The following CYP11B2 variants were observed in gnomAD, a reference collection of about 807,000 sequenced individuals.
The protein encoded by CYP11B2 is cytochrome P450 11B2, mitochondrial.
Under a neutral mutation model 49.3 loss-of-function variants are expected in CYP11B2, and 38 were observed. The ratio of observed to expected loss-of-function variants is 0.77; its 90% CI spans 0.59 to 1.01. The LOEUF is 1.01. CYP11B2 is among the 50% of genes least tolerant of loss of function. CYP11B2 has a pLI of 0.00. For synonymous variants in CYP11B2, 290 were observed against 269.3 expected, an observed-to-expected ratio of 1.08 and a Z score of -0.75; for missense variants, 669 against 655.5, an observed-to-expected ratio of 1.02 and a Z score of -0.23.
In CYP11B2 at chr8:142,917,681, G is replaced by A; in HGVS notation, c.160C>T (p.Gln54Ter). Reference protein sequence around the residue: ...HPGNRWLRLLQIWREQGYEHL... With the variant: ...HPGNRWLRLL ...TCATAACCCTGCTCCCTCCAGATCT[G>A]CAGCAGCCTCAGCCACCTGTTGCCT... The change falls in exon 1 of 9, where the codon CAG (glutamine) becomes TAG (stop). Residue 54 changes from glutamine to a stop codon, truncating the protein, a stop_gained. Coordinates refer to ENST00000323110, the MANE Select transcript of CYP11B2 (RefSeq NM_000498.3). LOFTEE classifies it high-confidence loss of function. 6.2e-7 allele frequency: 1 copy of A among 1,614,260 alleles called. No homozygotes were observed. Among genetic ancestry groups the A allele is most frequent in the Non-Finnish European group, 8.5e-7 (1 of 1,180,050 alleles).
Position 142,914,950 on chromosome 8 carries a change from C to T in CYP11B2, c.596-42G>A, listed in dbSNP as rs759431398. Reference sequence around the variant, plus strand: ...CTGCTGAGCACAAGGCAGCCCCAGGCCTCCTGGCTGCCTCCCCACACTCCC... The same window carrying T: ...CTGCTGAGCACAAGGCAGCCCCAGGTCTCCTGGCTGCCTCCCCACACTCCC... On this transcript the variant is annotated intron_variant, in intron 3 of 8. Transcript: ENST00000323110. 3.7e-6 allele frequency: 6 copies of T among 1,608,472 alleles called. No individual in the cohort carries two copies. The South Asian group carries it at 5.5e-5, about 15-fold the overall frequency.
Position 142,917,724 on chromosome 8 carries a change from T to G in CYP11B2, c.117A>C (p.Glu39Asp). 6.2e-7 allele frequency: 1 copy of G among 1,614,242 alleles called. No individual in the cohort carries two copies. Among genetic ancestry groups the G allele is most frequent in the Non-Finnish European group, 8.5e-7 (1 of 1,180,050 alleles). The change falls in exon 1 of 9, where the codon GAA (glutamate) becomes GAC (aspartate). Residue 39 changes from glutamate (E) to aspartate (D), a missense_variant. Physicochemically the swap from Glu to Asp is conservative, Grantham distance 45. Transcript: ENST00000323110. ...ARAPRTVLPF[E>D]AMPQHPGNRW... The stretch of plus-strand genomic sequence containing the variant: ...TGTTGCCTGGATGCTGGGGCATGGC[T>G]TCAAACGGCAGCACCGTCCTAGGGG...
rs4547 is a variant in CYP11B2, at chr8:142,914,761, A to G, written c.743T>C (p.Ile248Thr). 1.4e-3 allele frequency: 2,195 copies of G among 1,608,510 alleles called. 29 individuals are homozygous for G. The highest frequency in any genetic ancestry group is 0.012 in the African/African-American group (889 of 73,638). The part of the protein sequence containing the change: ...MFMPRSLSRW[I>T]SPKVWKEHFE... ...GTGCTCCTTCCACACCTTGGGGCTGATCCAGCGAGACAGGCTCCTGGGCAT... is the reference window on the plus strand; with the variant it reads ...GTGCTCCTTCCACACCTTGGGGCTGGTCCAGCGAGACAGGCTCCTGGGCAT... The change falls in exon 4 of 9, where the codon ATC (isoleucine) becomes ACC (threonine). Residue 248 changes from isoleucine (I) to threonine (T), a missense_variant. Transcript: ENST00000323110.
intron 5 of CYP11B2, 60 bp from the exon 6 acceptor site, chr8:142,913,511 C>G (rs1471181574): frequency 7.5e-6 from 12 of 1,607,782 alleles, no homozygotes; most frequent in Non-Finnish European, 1.0e-5. Context: ...CCCCGGGACA[C>G]CCCTCCCAGG....
At position 142,915,080 on chromosome 8, in the gene CYP11B2, G is replaced by A. The variant is rs756500335; in HGVS notation, c.561C>T (p.Asp187=). The A allele has an allele frequency of 2.5e-5, 40 of 1,613,698 alleles. No homozygotes were observed. The highest frequency in any genetic ancestry group is 5.5e-5 in the South Asian group (5 of 91,022). Reference sequence around the variant, plus strand: ...TGTAGTGGAAGATGCTGGGCTGGACGTCCAGGGTCAGGCTCCCCCGGGCGT... The same window carrying A: ...TGTAGTGGAAGATGCTGGGCTGGACATCCAGGGTCAGGCTCCCCCGGGCGT... ...LQNARGSLTL[D]VQPSIFHYTI... Residue 187 remains aspartate (D), a synonymous_variant, in exon 3 of 9, where the codon GAC becomes GAT. Transcript: ENST00000323110.
intron 5 of CYP11B2, 120 bp from the exon 6 acceptor site, chr8:142,913,571 A>G (rs544233594): frequency 3.1e-6 from 2 of 636,650 alleles, no homozygotes; most frequent in African/African-American, 2.2e-5. Flanking sequence ...GCAAAAACAG[A>G]GCCCTGGGAC....
intron 3 of CYP11B2, 45 bp from the exon 4 acceptor site, chr8:142,914,953 C>T (rs757912502): frequency 8.7e-6 from 14 of 1,609,570 alleles, no homozygotes; most frequent in South Asian, 1.1e-5. Context: ...CCCCAGGCCT[C>T]CTGGCTGCCT....
rs766216039 is a variant in CYP11B2, at chr8:142,913,335, C to A, written c.1071G>T (p.Lys357Asn). The change falls in exon 6 of 9, where the codon AAG becomes AAT. Residue 357 changes from lysine (K) to asparagine (N), a missense_variant. Physicochemically the swap from Lys to Asn is moderately conservative, Grantham distance 94. Coordinates refer to ENST00000323110, the MANE Select transcript of CYP11B2 (RefSeq NM_000498.3). ...GCAGCAAGGGCAGCTCGGTGGTTGC[C>A]TTCTGGGGATGTTCACTGATGCTGG... The part of the protein sequence containing the change: ...AAASISEHPQ[K>N]ATTELPLLRA... 1 of 1,614,030 alleles carries A rather than the reference C, an allele frequency of 6.2e-7. No individual in the cohort carries two copies. The highest frequency in any genetic ancestry group is 8.5e-7 in the Non-Finnish European group (1 of 1,180,010).
Position 142,913,263 on chromosome 8 carries a change from G to A in CYP11B2, c.1121+22C>T, listed in dbSNP as rs763105572. ...CTCCAGCAGGGGGCCAGGGCCACAG[G>A]GAGGCCTCAGCCAGCACCCACCGCA... On this transcript the variant is annotated intron_variant, in intron 6 of 8. Transcript: ENST00000323110. 4 of 1,611,450 alleles carry A rather than the reference G, an allele frequency of 2.5e-6. No homozygotes were observed. The East Asian group carries it at 8.9e-5, about 36-fold the overall frequency.
At chr8:142,912,468 C>T (rs61757288) in intron 8 of CYP11B2, 62 bp downstream of exon 8, 2 of 1,555,684 alleles carry the variant, frequency 1.3e-6, no homozygotes, top group Non-Finnish European at 1.8e-6. Flanking sequence ...CAAGCCCCGC[C>T]CCCAGTGTGC....
intron 6 of CYP11B2, 131 bp downstream of exon 6, chr8:142,913,154 A>G (rs903873188): frequency 4.8e-6 from 5 of 1,032,544 alleles, no homozygotes; most frequent in Non-Finnish European, 7.1e-6. Context: ...AGGGGGAGGA[A>G]GAGCAGGTGC....
Position 142,917,699 on chromosome 8 carries a change from T to G in CYP11B2, c.142A>C (p.Arg48=), listed in dbSNP as rs1361270876. The G allele has an allele frequency of 1.2e-6, 2 of 1,614,040 alleles. No individual in the cohort carries two copies. The highest frequency in any genetic ancestry group is 1.7e-6 in the Non-Finnish European group (2 of 1,179,954). ...FEAMPQHPGN[R]WLRLLQIWRE... ...CAGATCTGCAGCAGCCTCAGCCACC[T>G]GTTGCCTGGATGCTGGGGCATGGCT... The change falls in exon 1 of 9, where the codon AGG becomes CGG. Residue 48 remains arginine (R), a synonymous_variant. Coordinates refer to ENST00000323110, the MANE Select transcript of CYP11B2 (RefSeq NM_000498.3).
rs1817539196 is a variant in CYP11B2, at chr8:142,911,768, G to A, written c.*212C>T. 2 of 680,356 alleles carry A rather than the reference G, an allele frequency of 2.9e-6. No individual in the cohort carries two copies. Among genetic ancestry groups the A allele is most frequent in the East Asian group, 5.9e-5 (2 of 34,110 alleles). The allele number at this position is 680,356 out of a possible 1,614,324, so 42.1% of individuals were successfully genotyped here. ...CTGGGGACAAGGCCAGGCCCTGCCA[G>A]CAAGATCGTCTCCAGCTGTGCCCTG... is the stretch of plus-strand genomic sequence containing the variant. On this transcript the variant is annotated 3_prime_UTR_variant, in exon 9 of 9. Transcript: ENST00000323110.
At position 142,912,736 on chromosome 8, in the gene CYP11B2, G is replaced by A. The variant is rs750931398; in HGVS notation, c.1201-9C>T. On this transcript the variant is annotated splice_polypyrimidine_tract_variant and intron_variant, in intron 7 of 8. Coordinates refer to ENST00000323110, the MANE Select transcript of CYP11B2 (RefSeq NM_000498.3). ...AAAACCTGTACCAATGTCTGCGGAC[G>A]GTGCAGAGCAGGGATCAGGGAATGA... 7 of 1,613,704 alleles carry A rather than the reference G, an allele frequency of 4.3e-6. No homozygotes were observed. Among genetic ancestry groups the A allele is most frequent in the Admixed American group, 3.3e-5 (2 of 60,026 alleles).
In CYP11B2 at chr8:142,912,993, G is replaced by A. The variant is rs1333731224; in HGVS notation, c.1122-108C>T. The A allele has an allele frequency of 3.7e-5, 44 of 1,197,656 alleles. No homozygotes were observed. The South Asian group carries it at 5.2e-4, about 14-fold the overall frequency. The allele number at this position is 1,197,656 out of a possible 1,614,324, so 74.2% of individuals were successfully genotyped here. On this transcript the variant is annotated intron_variant, in intron 6 of 8. Coordinates refer to ENST00000323110, the MANE Select transcript of CYP11B2 (RefSeq NM_000498.3). ...CGCAGAGGTCCCAGATCCATGGGAA[G>A]CCCAGGTCGTAGGAAGTACTTCCTT...
At chr8:142,913,993 G>T (rs1262580241) in intron 5 of CYP11B2, 4 of 593,954 alleles carry the variant, frequency 6.7e-6, no homozygotes, top group Non-Finnish European at 1.3e-5. Context: ...GCTGCTGTGT[G>T]TCCAGGGCCT....
rs755076671 is a variant in CYP11B2, at chr8:142,917,803, G to A, written c.38C>T (p.Ala13Val). 1.2e-5 allele frequency: 20 copies of A among 1,613,974 alleles called. No homozygotes were observed. The highest frequency in any genetic ancestry group is 4.0e-5 in the African/African-American group (3 of 74,942). Residue 13 changes from alanine (A) to valine (V), a missense_variant, in exon 1 of 9, where the codon GCG (alanine) becomes GTG (valine). Coordinates refer to ENST00000323110, the MANE Select transcript of CYP11B2 (RefSeq NM_000498.3). ...LRAKAEVCVA[A>V]PWLSLQRARA... is the part of the protein sequence containing the mutation. ...TGCCCTTTGCAGGGACAGCCAGGGC[G>A]CTGCCACGCACACCTCTGCCTTTGC...
At chr8:142,913,001 C>G (rs1216733051) in intron 6 of CYP11B2, 116 bp from the exon 7 acceptor site, 18 of 1,087,500 alleles carry the variant, frequency 1.7e-5, no homozygotes, top group African/African-American at 2.3e-5. Flanking sequence ...AAGCCCAGGT[C>G]GTAGGAAGTA....
rs148659506 is a variant in CYP11B2, at chr8:142,913,310, G to A, written c.1096C>T (p.Arg366Trp). 4.8e-5 allele frequency: 78 copies of A among 1,613,750 alleles called. No individual in the cohort carries two copies. The highest frequency in any genetic ancestry group is 3.3e-4 in the Middle Eastern group (2 of 6,084). The change falls in exon 6 of 9, where the codon CGG becomes TGG. Residue 366 changes from arginine (R) to tryptophan (W), a missense_variant. By Grantham distance (101) the Arg-to-Trp change is moderately radical. Coordinates refer to ENST00000323110, the MANE Select transcript of CYP11B2 (RefSeq NM_000498.3). ...QKATTELPLL[R>W]AALKETLRLY... The stretch of plus-strand genomic sequence containing the variant: ...CGCAAGGTCTCCTTGAGGGCCGCCC[G>A]CAGCAAGGGCAGCTCGGTGGTTGCC...
Sources: allele counts gnomAD v4.1 joint callset, GRCh38; gene constraint gnomAD v4.1.1; transcripts MANE v1.5; gene names NCBI Gene and HGNC (gene_info 2026-07-23, HGNC 2026-07-21).